Variants in AMY2B observed in about 807,000 individuals in gnomAD.
AMY2B encodes amylase alpha 2B, also known as alpha-amylase 2B.
Under a neutral mutation model 59.3 loss-of-function variants are expected in AMY2B, and 63 were observed. That is an observed-to-expected ratio of 1.06 (90% CI 0.87 to 1.31). The LOEUF (loss-of-function observed/expected upper bound fraction) is 1.31. AMY2B is among the 50% of genes most tolerant of loss of function. The probability of loss-of-function intolerance (pLI) is 0.00; values close to 1 mark genes in which losing one functional copy is unlikely to be tolerated. For missense variants in AMY2B, 635 were observed against 626.7 expected, an observed-to-expected ratio of 1.01 and a Z score of -0.14; for synonymous variants, 180 against 198.1, an observed-to-expected ratio of 0.91 and a Z score of 0.77.
At chr1:103,556,688 G>GA (rs1348286311) in intron 1 of AMY2B, among the ~76,000 whole-genome samples, 1 of 151,928 alleles carries the variant, frequency 6.6e-6, no homozygotes, top group African/African-American at 2.4e-5. Context: ...GTGAGGATGG[G>GA]AGTAGCATAG....
chr1:103,561,338 G>A (rs752785629), intron 1 of AMY2B, among the ~76,000 whole-genome samples: 22 of 152,098 alleles, frequency 1.4e-4, no homozygotes, highest in Non-Finnish European at 2.9e-4. Flanking sequence ...CGCAGTCTCG[G>A]CTCACTGCAA....
upstream of AMY2B, among the ~76,000 whole-genome samples, chr1:103,566,870 C>T (rs1353957417): frequency 1.3e-5 from 2 of 152,162 alleles, no homozygotes; most frequent in East Asian, 1.9e-4. Flanking sequence ...TCAATGAGGA[C>T]ATAACCCATG....
rs755104332 is a variant in AMY2B, at chr1:103,572,163, G to A, written c.222G>A (p.Trp74Ter). 3.7e-6 allele frequency: 6 copies of A among 1,611,632 alleles called. No homozygotes were observed. In the South Asian group the frequency reaches 6.6e-5, roughly 18 times the overall value. Residue 74 changes from tryptophan (W) to a stop codon, truncating the protein, a stop_gained, in exon 2 of 10, where the codon TGG becomes TGA. Coordinates refer to ENST00000684275, the MANE Select transcript of AMY2B (RefSeq NM_001387437.1). LOFTEE classifies it high-confidence loss of function. ...TTCACAACCCTTTCAGACCTTGGTG[G>A]GAAAGATACCAACCAGTTAGCTATA... is the stretch of plus-strand genomic sequence containing the variant. Reference protein sequence around the residue: ...VAIHNPFRPWWERYQPVSYKL... With the variant: ...VAIHNPFRPW
chr1:103,554,688 T>C (rs927946403), upstream of AMY2B: 17 of 152,590 alleles, frequency 1.1e-4, no homozygotes, highest in African/African-American at 3.9e-4. Context: ...TCCAACCTTA[T>C]ATTAATAACT....
intron 3 of AMY2B, 125 bp from the exon 4 acceptor site, chr1:103,573,583 G>A (rs1034070219): frequency 1.8e-5 from 26 of 1,410,934 alleles, no homozygotes; most frequent in Admixed American, 1.8e-4. Context: ...CATCCCCAGC[G>A]CCCAATGCAA....
At chr1:103,577,042 C>G (rs778528959) in intron 7 of AMY2B, among the ~76,000 whole-genome samples, 6 of 152,178 alleles carry the variant, frequency 3.9e-5, no homozygotes, top group Non-Finnish European at 7.3e-5. Context: ...CAAGACCTAT[C>G]TGGGCAAGCT....
upstream of AMY2B, chr1:103,571,451 C>A: frequency 6.9e-7 from 1 of 1,457,964 alleles, no homozygotes; most frequent in South Asian, 1.4e-5. Flanking sequence ...ATGTTCTTCT[C>A]CTGTTAGGAT....
intron 9 of AMY2B, among the ~76,000 whole-genome samples, chr1:103,578,068 T>G (rs1276992462): frequency 1.3e-5 from 2 of 152,214 alleles, no homozygotes; most frequent in African/African-American, 4.8e-5. Context: ...GTCCTTTCTG[T>G]GCACCCTTGC....
intron 1 of AMY2B, among the ~76,000 whole-genome samples, chr1:103,558,851 A>C (rs1039320344): frequency 2.0e-5 from 3 of 152,068 alleles, no homozygotes; most frequent in Non-Finnish European, 4.4e-5. Context: ...ATCTTATTAA[A>C]CAAGATCTAA....
At position 103,574,131 on chromosome 1, in the gene AMY2B, TAATA is replaced by T. The variant is rs1235094388; in HGVS notation, c.745-124_745-121del. 6 of 1,483,294 alleles carry T rather than the reference TAATA, an allele frequency of 4.0e-6. No individual in the cohort carries two copies. In the African/African-American group the frequency reaches 5.7e-5, roughly 14 times the overall value. 91.9% of individuals were successfully genotyped at this position (1,483,294 alleles called of 1,614,324 possible). ...CAAAACAAAACAAGACAAAAAGAAATAATAAATAGCTTAATTTATTAATAAATAA... is the reference window on the plus strand; with the variant it reads ...CAAAACAAAACAAGACAAAAAGAAATAATAGCTTAATTTATTAATAAATAA... On this transcript the variant is annotated intron_variant, in intron 4 of 9. Transcript: ENST00000684275.
intron 9 of AMY2B, among the ~76,000 whole-genome samples, chr1:103,578,191 A>G (rs1652438629): frequency 6.6e-6 from 1 of 152,184 alleles, no homozygotes; most frequent in Non-Finnish European, 1.5e-5. Flanking sequence ...CATGTCTTAT[A>G]TTCCTGTTTT....
chr1:103,571,152 A>G (rs1277051152), upstream of AMY2B: 12 of 960,738 alleles, frequency 1.2e-5, no homozygotes, highest in Non-Finnish European at 1.6e-5. Flanking sequence ...TTCCTTTCTT[A>G]GCTTCTGTTG....
upstream of AMY2B, chr1:103,571,172 A>C: frequency 4.8e-6 from 4 of 833,622 alleles, no homozygotes; most frequent in Non-Finnish European, 6.1e-6. Flanking sequence ...GTCTGCCAGA[A>C]CACCATGGGC....
chr1:103,573,346 A>G (rs1652213893), intron 3 of AMY2B, 86 bp downstream of exon 3: 1 of 1,594,818 alleles, frequency 6.3e-7, no homozygotes, highest in Non-Finnish European at 8.6e-7. Flanking sequence ...TTCATTTTAA[A>G]TACGAATTTA....
intron 1 of AMY2B, chr1:103,555,150 A>G (rs961002186): frequency 1.3e-5 from 2 of 152,090 alleles, no homozygotes; most frequent in African/African-American, 2.4e-5. Context: ...AATTAAATCT[A>G]TATGCCTTTA....
At chr1:103,572,846 A>C (rs1652190289) in intron 2 of AMY2B, among the ~76,000 whole-genome samples, 2 of 152,048 alleles carry the variant, frequency 1.3e-5, no homozygotes. Flanking sequence ...CTCTCAATTT[A>C]CCATTACTAT....
chr1:103,562,881 C>A lies in AMY2B; in HGVS notation c.-206-2554C>A, dbSNP rs542352685. On this transcript the variant is annotated intron_variant, in intron 1 of 11. Transcript: ENST00000361355. ...TAGAGCTCTTTCATTTTATTTAAGT[C>A]AAGGCTTTGGTGTGATTTAAGTAGG... 5.3e-5 allele frequency among the ~76,000 whole-genome samples: 8 copies of A among 151,956 alleles called. No homozygotes were observed. The East Asian group carries it at 1.4e-3, about 26-fold the overall frequency.
At chr1:103,565,769 G>A (rs1264573252) in intron 2 of AMY2B, among the ~76,000 whole-genome samples, 1 of 152,042 alleles carries the variant, frequency 6.6e-6, no homozygotes, top group Admixed American at 6.6e-5. Context: ...ATGGATACTG[G>A]GAAGTGTCAT....
At chr1:103,574,619 C>A (rs1048374342) in intron 5 of AMY2B, among the ~76,000 whole-genome samples, 5 of 151,928 alleles carry the variant, frequency 3.3e-5, no homozygotes, top group Non-Finnish European at 2.9e-5. Flanking sequence ...TAGGAGTTTC[C>A]GTCTAAGTAC....
Sources: allele counts gnomAD v4.1 joint callset (sites outside exome capture counted in the v4.1 genomes callset), GRCh38; gene constraint gnomAD v4.1.1; transcripts MANE v1.5; gene names NCBI Gene and HGNC (gene_info 2026-07-23, HGNC 2026-07-21).